Variants in SOS1 observed in about 807,000 individuals in gnomAD.
SOS1 encodes son of sevenless homolog 1.
In SOS1, 25 loss-of-function variants were observed where a neutral mutation model predicts 157.6. That is an observed-to-expected ratio of 0.16 (90% confidence interval 0.12 to 0.22). SOS1 has a LOEUF of 0.22. SOS1 is among the 10% of genes least tolerant of loss of function. The pLI is 1.00. For missense variants in SOS1, 1,237 were observed against 1,599.1 expected (o/e 0.77, Z 3.86); for synonymous variants, 528 against 534.0 (o/e 0.99, Z 0.16).
intron 20 of SOS1, chr2:38,993,125 C>G (rs1241607315): frequency 6.6e-6 from 1 of 151,728 alleles, no homozygotes; most frequent in Non-Finnish European, 1.5e-5. Flanking sequence ...CCTTCAGTCA[C>G]CAAATAATGC....
chr2:39,049,330 G>C (rs1670916887), intron 6 of SOS1, among the ~76,000 whole-genome samples: 1 of 151,704 alleles, frequency 6.6e-6, no homozygotes, highest in African/African-American at 2.4e-5. Context: ...CCTTGAACTG[G>C]GTCCAGCAAA....
intron 22 of SOS1, 61 bp downstream of exon 22, chr2:38,987,412 C>G: frequency 1.2e-6 from 1 of 837,842 alleles, no homozygotes. Context: ...AACTAGACAG[C>G]CGTTTATTAT....
At chr2:39,068,953 A>G (rs886514563) in intron 1 of SOS1, among the ~76,000 whole-genome samples, 1 of 152,124 alleles carries the variant, frequency 6.6e-6, no homozygotes, top group Non-Finnish European at 1.5e-5. Context: ...ATGAAAGTGC[A>G]CAGTACTCAC....
intron 1 of SOS1, among the ~76,000 whole-genome samples, chr2:39,082,962 T>C (rs1672259720): frequency 6.6e-6 from 1 of 152,126 alleles, no homozygotes; most frequent in African/African-American, 2.4e-5. Flanking sequence ...TCGGTATTAG[T>C]AAGGCTTTGG....
chr2:39,100,155 G>A (rs138175839), intron 1 of SOS1, among the ~76,000 whole-genome samples: 3 of 152,304 alleles, frequency 2.0e-5, no homozygotes, highest in African/African-American at 7.2e-5. Context: ...TGACTCTTTT[G>A]GTAAGAGATA....
rs570932341 is a variant in SOS1, at chr2:38,995,494, ATCAC to A, written c.3082-111_3082-108del. 8.5e-6 allele frequency: 7 copies of A among 825,370 alleles called. No homozygotes were observed. In the South Asian group the frequency reaches 8.5e-5, roughly 10 times the overall value. 51.1% of individuals were successfully genotyped at this position (825,370 alleles called of 1,614,324 possible). A position where few individuals can be genotyped will look rare whatever the true frequency, so the allele number is the denominator to read the frequency against. ...CAGCTAATATACAGGAAAATCATAA[ATCAC>A]TAATAAGGACATAATTATTCAAATA... On this transcript the variant is annotated intron_variant, in intron 19 of 22. Coordinates refer to ENST00000402219, the MANE Select transcript of SOS1 (RefSeq NM_005633.4).
Position 38,984,917 on chromosome 2 carries a change from T to G in SOS1, c.*907A>C, listed in dbSNP as rs1313997162. The G allele has an allele frequency of 6.6e-6, 1 of 152,204 alleles. No individual in the cohort carries two copies. Among genetic ancestry groups the G allele is most frequent in the African/African-American group, 2.4e-5 (1 of 41,452 alleles). 9.4% of individuals were successfully genotyped at this position (152,204 alleles called of 1,614,324 possible). Reference sequence around the variant, plus strand: ...AGTGCTCCTTTTCACATTGGGTGCCTGCATTTCCATGGTATGGTTAGAGGG... The same window carrying G: ...AGTGCTCCTTTTCACATTGGGTGCCGGCATTTCCATGGTATGGTTAGAGGG... On this transcript the variant is annotated 3_prime_UTR_variant, in exon 23 of 23. Coordinates refer to ENST00000402219, the MANE Select transcript of SOS1 (RefSeq NM_005633.4).
chr2:39,052,182 A>T (rs192709925), intron 5 of SOS1, among the ~76,000 whole-genome samples: 53 of 152,294 alleles, frequency 3.5e-4, no homozygotes, highest in Middle Eastern at 3.4e-3. Context: ...TACTATACTA[A>T]AATTCAACAA....
chr2:39,103,170 T>C lies in SOS1; in HGVS notation c.87+17166A>G, dbSNP rs546254414. On this transcript the variant is annotated intron_variant, in intron 1 of 22. Transcript: ENST00000402219. ...TGCAGAAAATTTAAAATAACCAAAA[T>C]AAATTAAAAGCCATTCTGAGTTATT... Among the ~76,000 whole-genome samples, 9 of 152,088 alleles carry C rather than the reference T, an allele frequency of 5.9e-5. No homozygotes were observed. The East Asian group carries it at 1.5e-3, about 26-fold the overall frequency.
intron 5 of SOS1, 43 bp from the exon 6 acceptor site, chr2:39,051,330 TATA>T: frequency 6.4e-7 from 1 of 1,568,176 alleles, no homozygotes; most frequent in Non-Finnish European, 8.8e-7. Flanking sequence ...GCTGTATTAT[TATA>T]ATATTAAACA....
upstream of SOS1, among the ~76,000 whole-genome samples, chr2:39,123,823 C>A (rs547722359): frequency 2.6e-5 from 4 of 152,252 alleles, no homozygotes; most frequent in African/African-American, 9.6e-5. Flanking sequence ...AGAAAACGGG[C>A]GATTTTCGGG....
chr2:39,102,231 G>C (rs1470526648), intron 1 of SOS1, among the ~76,000 whole-genome samples: 5 of 17,926 alleles, frequency 2.8e-4, no homozygotes, highest in African/African-American at 6.8e-4. Flanking sequence ...AAAAAAAAAA[G>C]TGCCACTTTG....
chr2:39,018,428 C>G (rs1020486535), intron 10 of SOS1, among the ~76,000 whole-genome samples: 1 of 151,766 alleles, frequency 6.6e-6, no homozygotes, highest in Non-Finnish European at 1.5e-5. Context: ...ATCAAAACAG[C>G]TAGGTTATTT....
intron 1 of SOS1, among the ~76,000 whole-genome samples, chr2:39,086,129 A>G (rs1173130756): frequency 6.6e-6 from 1 of 152,206 alleles, no homozygotes; most frequent in East Asian, 1.9e-4. Context: ...TTGTTAAAGT[A>G]CAGGATACCA....
chr2:38,999,586 G>C (rs954627547), intron 17 of SOS1, among the ~76,000 whole-genome samples: 3 of 152,216 alleles, frequency 2.0e-5, no homozygotes, highest in African/African-American at 7.2e-5. Context: ...GTGTGTTCTA[G>C]TAAGCACAGG....
upstream of SOS1, among the ~76,000 whole-genome samples, chr2:39,121,703 A>G (rs1673901170): frequency 6.6e-6 from 1 of 152,098 alleles, no homozygotes; most frequent in East Asian, 1.9e-4. Context: ...GTGTTTTGTT[A>G]TCTTTTGCGG....
chr2:39,040,652 G>T (rs1214363152), intron 6 of SOS1, among the ~76,000 whole-genome samples: 1 of 152,102 alleles, frequency 6.6e-6, no homozygotes, highest in Admixed American at 6.5e-5. Context: ...AGCATGTATT[G>T]GAATTTTATC....
intron 8 of SOS1, among the ~76,000 whole-genome samples, chr2:39,029,746 GTTTAAC>G (rs1246374341): frequency 1.1e-4 from 17 of 152,214 alleles, no homozygotes; most frequent in Non-Finnish European, 2.1e-4. Context: ...GCTATCCTAT[GTTTAAC>G]TTTAGACATT....
chr2:39,058,312 G>C (rs1671285576), intron 3 of SOS1, among the ~76,000 whole-genome samples: 1 of 151,908 alleles, frequency 6.6e-6, no homozygotes. Context: ...TCTACACAAA[G>C]TACTAACATC....
Sources: allele counts gnomAD v4.1 joint callset (sites outside exome capture counted in the v4.1 genomes callset), GRCh38; gene constraint gnomAD v4.1.1; transcripts MANE v1.5; gene names NCBI Gene and HGNC (gene_info 2026-07-23, HGNC 2026-07-21).